CMIP: variants seen among roughly 807,000 people sequenced by gnomAD.
CMIP encodes c-Maf inducing protein.
A neutral mutation model predicts 97.3 loss-of-function variants in CMIP; 13 were observed. The ratio of observed to expected loss-of-function variants is 0.13; its 90% CI spans 0.09 to 0.21. The LOEUF is 0.21. Ranked by LOEUF, CMIP falls within the 10% of genes least tolerant of loss-of-function variation. The probability of loss-of-function intolerance (pLI) is 1.00; values close to 1 mark genes in which losing one functional copy is unlikely to be tolerated. For missense variants in CMIP, 847 were observed against 1,024.9 expected (o/e 0.83, Z 2.37); for synonymous variants, 538 against 436.3 (o/e 1.23, Z -2.91).
chr16:81,614,834 C>T lies in CMIP; in HGVS notation c.427-6042C>T, dbSNP rs992918485. Among the ~76,000 whole-genome samples the T allele has an allele frequency of 6.8e-5, 10 of 147,146 alleles. No individual in the cohort carries two copies. Among genetic ancestry groups the T allele is most frequent in the Non-Finnish European group, 6.0e-5 (4 of 66,884 alleles). Reference sequence around the variant, plus strand: ...TATATGTGGTATGTATATGTGTATACGGTGTGTATGCACATGTATCTCTGT... The same window carrying T: ...TATATGTGGTATGTATATGTGTATATGGTGTGTATGCACATGTATCTCTGT... On this transcript the variant is annotated intron_variant, in intron 2 of 20. Transcript: ENST00000537098. This position sits in a 1 kb window ranked among gnomAD's most constrained non-coding sequence, Gnocchi z 5.3.
intron 1 of CMIP, among the ~76,000 whole-genome samples, chr16:81,446,995 C>T (rs927579847): frequency 1.3e-5 from 2 of 152,154 alleles, no homozygotes; most frequent in Non-Finnish European, 2.9e-5. Flanking sequence ...GATTGCTGGT[C>T]GCGGGGAGGC....
chr16:81,478,775 C>T lies in CMIP; in HGVS notation c.300+33234C>T, dbSNP rs75343813. Among the ~76,000 whole-genome samples the T allele has an allele frequency of 7.3e-3, 1,115 of 152,284 alleles. 13 individuals are homozygous for T. Among genetic ancestry groups the T allele is most frequent in the African/African-American group, 0.025 (1,051 of 41,544 alleles). ...ACGTTGAGGGCCAGCCTGGAAGCGC[C>T]ATATCCAGAGGCACTCAGGGAGGGG... On this transcript the variant is annotated intron_variant, in intron 1 of 20. Transcript: ENST00000537098.
At chr16:81,597,973 T>A (rs939916182) in intron 1 of CMIP, among the ~76,000 whole-genome samples, 6 of 151,904 alleles carry the variant, frequency 3.9e-5, no homozygotes, top group African/African-American at 1.5e-4. Context: ...AATGACTTCA[T>A]GAATTCAGTC....
At chr16:81,645,662 G>C (rs1224269019) in intron 3 of CMIP, 2 of 1,519,634 alleles carry the variant, frequency 1.3e-6, no homozygotes. Flanking sequence ...GACTCTGCCA[G>C]ACGGGAAGCA....
At chr16:81,654,318 C>T (rs1275958265) in intron 4 of CMIP, among the ~76,000 whole-genome samples, 1 of 151,864 alleles carries the variant, frequency 6.6e-6, no homozygotes, top group African/African-American at 2.4e-5. Context: ...GTGATCCTCC[C>T]ACCTTGGCCT....
intron 1 of CMIP, chr16:81,464,972 G>A (rs1324487049): frequency 6.6e-6 from 1 of 152,218 alleles, no homozygotes; most frequent in Non-Finnish European, 1.5e-5. Flanking sequence ...ACAGACACTT[G>A]AGTTGTTCCC....
chr16:81,461,737 G>A (rs1005487464), intron 1 of CMIP, among the ~76,000 whole-genome samples: 8 of 152,228 alleles, frequency 5.3e-5, no homozygotes, highest in African/African-American at 1.9e-4. Context: ...GCAAAGCAGT[G>A]CCTGGATCTG....
intron 1 of CMIP, among the ~76,000 whole-genome samples, chr16:81,605,617 CCTT>C (rs1206195217): frequency 6.6e-6 from 1 of 152,240 alleles, no homozygotes; most frequent in Non-Finnish European, 1.5e-5. Flanking sequence ...CTCCGTTTCA[CCTT>C]CTGCTCCTCC....
In CMIP at chr16:81,504,660, A is replaced by AAAAAAAG. The variant is rs1555524037; in HGVS notation, c.300+59124_300+59130dup. Among the ~76,000 whole-genome samples, 851 of 139,276 alleles carry AAAAAAAG rather than the reference A, an allele frequency of 6.1e-3. 19 individuals are homozygous for AAAAAAAG. The highest frequency in any genetic ancestry group is 0.012 in the East Asian group (53 of 4,516). The allele number at this position is 139,276 out of a possible 152,430, so 91.4% of individuals were successfully genotyped here. A position where few individuals can be genotyped will look rare whatever the true frequency, so the allele number is the denominator to read the frequency against. Reference sequence around the variant, plus strand: ...TCGTCTCAAAAAAAAAAAAAAAAAAAAAAAAAGAAAAGAAAAGAAAAAATG... The same window carrying AAAAAAAG: ...TCGTCTCAAAAAAAAAAAAAAAAAAAAAAAAAGAAAAAAGAAAAGAAAAGAAAAAATG... On this transcript the variant is annotated intron_variant, in intron 1 of 20. Transcript: ENST00000537098.
At chr16:81,554,244 G>C (rs181745052) in intron 1 of CMIP, among the ~76,000 whole-genome samples, 5 of 152,346 alleles carry the variant, frequency 3.3e-5, no homozygotes, top group African/African-American at 1.2e-4. Flanking sequence ...ACAAATGCCA[G>C]ATGTGCAATT....
At chr16:81,560,232 T>G (rs112056374) in intron 1 of CMIP, among the ~76,000 whole-genome samples, 59,602 of 148,564 alleles carry the variant, frequency 0.4, 14,572 homozygotes, top group Non-Finnish European at 0.54. Flanking sequence ...TGTTTTTTTT[T>G]TTTTGAGACA....
intron 1 of CMIP, among the ~76,000 whole-genome samples, chr16:81,509,489 GCTT>G (rs1353093317): frequency 6.6e-6 from 1 of 152,204 alleles, no homozygotes; most frequent in Admixed American, 6.5e-5. Context: ...ACCTCTCTGA[GCTT>G]CTGGTTTTTT....
chr16:81,645,559 T>G, intron 3 of CMIP: 1 of 1,536,042 alleles, frequency 6.5e-7, no homozygotes, highest in Non-Finnish European at 8.7e-7. Flanking sequence ...TGTGCTTGCC[T>G]CTGCTGACAG....
intron 1 of CMIP, among the ~76,000 whole-genome samples, chr16:81,507,954 G>C (rs2150786989): frequency 6.6e-6 from 1 of 152,224 alleles, no homozygotes; most frequent in Admixed American, 6.5e-5. Context: ...TGCCTTTCTT[G>C]GTTTATTTCC....
chr16:81,626,472 A>T (rs888947616), intron 3 of CMIP, among the ~76,000 whole-genome samples: 11 of 135,494 alleles, frequency 8.1e-5, no homozygotes, highest in African/African-American at 3.1e-4. Context: ...TATGTGTGGC[A>T]TGTGGGGTGA....
At chr16:81,526,008 CTGTG>C (rs10531791) in intron 1 of CMIP, among the ~76,000 whole-genome samples, 13 of 147,972 alleles carry the variant, frequency 8.8e-5, no homozygotes, top group East Asian at 8.0e-4. Context: ...GTGTGTGTGT[CTGTG>C]TGTGTGTGTG....
At chr16:81,701,844 C>A in intron 16 of CMIP, 44 bp downstream of exon 16, 1 of 1,609,394 alleles carries the variant, frequency 6.2e-7, no homozygotes, top group Non-Finnish European at 8.5e-7. Flanking sequence ...CCCAGCAGGC[C>A]AGGGGGGGCC....
chr16:81,523,401 A>T (rs999129372), intron 1 of CMIP, among the ~76,000 whole-genome samples: 1 of 151,592 alleles, frequency 6.6e-6, no homozygotes, highest in Admixed American at 6.6e-5. Flanking sequence ...TGGGGGACAG[A>T]CTCACCCCCT....
chr16:81,605,690 A>C (rs537357423), intron 1 of CMIP, among the ~76,000 whole-genome samples: 2 of 151,944 alleles, frequency 1.3e-5, no homozygotes, highest in East Asian at 3.9e-4. Flanking sequence ...GGTCTGTGAC[A>C]CTCTTTACTC....
Sources: gnomAD v4.1 joint callset for allele counts (sites outside exome capture counted in the v4.1 genomes callset) on GRCh38, gnomAD v4.1.1 for gene constraint, Gnocchi (gnomAD v3.1) non-coding constraint, MANE v1.5 for transcripts, NCBI Gene and HGNC (gene_info 2026-07-23, HGNC 2026-07-21) for gene names.